Variants in FTO observed in about 807,000 individuals in gnomAD.
FTO encodes the protein alpha-ketoglutarate-dependent dioxygenase FTO.
FTO carries 47 observed loss-of-function variants against 63.9 expected under a neutral mutation model. The observed-to-expected ratio is 0.74, with a 90% CI of 0.58 to 0.94. FTO has a LOEUF of 0.94. FTO is among the 40% of genes least tolerant of loss of function. FTO has a pLI of 0.00. For missense variants in FTO, 562 were observed against 618.1 expected (o/e 0.91, Z 0.96); for synonymous variants, 207 against 224.4 (o/e 0.92, Z 0.69).
At chr16:54,084,169 C>T (rs1224225686) in intron 8 of FTO, among the ~76,000 whole-genome samples, 2 of 152,236 alleles carry the variant, frequency 1.3e-5, no homozygotes, top group African/African-American at 4.8e-5. Context: ...TCAACCTGTA[C>T]TGGCTCTCTG....
rs564127172 is a variant in FTO at position 53,822,173 on chromosome 16, A to G, written c.124-3691A>G. Among the ~76,000 whole-genome samples, 45 of 152,302 alleles carry G rather than the reference A, an allele frequency of 3.0e-4. 1 individual carries two copies. Among genetic ancestry groups the G allele is most frequent in the Admixed American group, 1.8e-3 (28 of 15,290 alleles). On this transcript the variant is annotated intron_variant, in intron 2 of 8. Coordinates refer to ENST00000471389, the MANE Select transcript of FTO (RefSeq NM_001080432.3). ...CAAACAGCTCTAATGACCAGCATAC[A>G]TTCTTAGCTAGTGATTCACCTTAAC...
intron 7 of FTO, among the ~76,000 whole-genome samples, chr16:53,913,172 A>G (rs985824983): frequency 2.0e-5 from 3 of 152,120 alleles, no homozygotes; most frequent in African/African-American, 4.8e-5. Context: ...GCCAGTTTTT[A>G]TCATCTCCCT....
chr16:53,849,468 A>G (rs988777506), intron 4 of FTO, among the ~76,000 whole-genome samples: 2 of 152,180 alleles, frequency 1.3e-5, no homozygotes, highest in Non-Finnish European at 2.9e-5. Flanking sequence ...TTCCATACGT[A>G]TATTTGCTAC....
chr16:53,810,168 A>T lies in FTO; in HGVS notation c.74A>T (p.Asp25Val). 1.2e-6 allele frequency: 2 copies of T among 1,611,768 alleles called. No homozygotes were observed. The highest frequency in any genetic ancestry group is 1.7e-6 in the Non-Finnish European group (2 of 1,178,432). Residue 25 changes from aspartate to valine, a missense_variant, in exon 2 of 9, where the codon GAC (aspartate) becomes GTC (valine). Physicochemically the swap from Asp to Val is radical, Grantham distance 152 (BLOSUM62 -3). Transcript: ENST00000471389. Reference sequence around the variant, plus strand: ...CTGAGGCTTCTTGAAGAGCTTGAAGACACTTGGCTCCCTTATCTGACCCCC... The same window carrying T: ...CTGAGGCTTCTTGAAGAGCTTGAAGTCACTTGGCTCCCTTATCTGACCCCC... ...KKLRLLEELEDTWLPYLTPKD... is the reference protein window; with the variant it reads ...KKLRLLEELEVTWLPYLTPKD...
chr16:53,805,047 AG>A (rs1197150527), intron 1 of FTO, among the ~76,000 whole-genome samples: 4 of 152,240 alleles, frequency 2.6e-5, no homozygotes, highest in African/African-American at 9.6e-5. Flanking sequence ...AACATTCATT[AG>A]CCATTATTCA....
chr16:53,899,333 C>A (rs2151923044), intron 7 of FTO, among the ~76,000 whole-genome samples: 2 of 152,054 alleles, frequency 1.3e-5, no homozygotes, highest in East Asian at 3.9e-4. Flanking sequence ...TTGTGATCAT[C>A]CTTCATATTT....
intron 7 of FTO, among the ~76,000 whole-genome samples, chr16:53,931,013 G>A (rs962383849): frequency 1.3e-5 from 2 of 152,128 alleles, no homozygotes; most frequent in African/African-American, 2.4e-5. Flanking sequence ...CTAAACAGGC[G>A]ACATCCCCTT....
chr16:53,962,273 G>A (rs1198152455), intron 8 of FTO, among the ~76,000 whole-genome samples: 1 of 152,148 alleles, frequency 6.6e-6, no homozygotes, highest in African/African-American at 2.4e-5. Flanking sequence ...TTCAGGCCTG[G>A]TTTGTGGTAG....
intron 8 of FTO, among the ~76,000 whole-genome samples, chr16:54,059,398 A>G (rs1202402896): frequency 6.6e-6 from 1 of 152,140 alleles, no homozygotes; most frequent in Non-Finnish European, 1.5e-5. Context: ...GACATTCCTG[A>G]GAAAGTGCCT....
intron 6 of FTO, among the ~76,000 whole-genome samples, chr16:53,884,347 T>C (rs2080940874): frequency 1.3e-5 from 2 of 152,166 alleles, no homozygotes; most frequent in Admixed American, 1.3e-4. Context: ...ATGGAATGTT[T>C]GATGGTATTG....
Position 53,879,889 on chromosome 16 carries a change from G to A in FTO, c.1021G>A (p.Ala341Thr), listed in dbSNP as rs755738675. 33 of 1,613,848 alleles carry A rather than the reference G, an allele frequency of 2.0e-5. No homozygotes were observed. The highest frequency in any genetic ancestry group is 2.6e-5 in the Non-Finnish European group (31 of 1,179,842). ...LDYILQRCQL[A>T]LQNVCDDVDN... ...TTATATTTTACAACGCTGTCAGTTG[G>A]CTCTGCAGAATGTCTGTGACGATGT... is the stretch of plus-strand genomic sequence containing the variant. The change falls in exon 6 of 9, where the codon GCT becomes ACT. Residue 341 changes from alanine to threonine, a missense_variant. Coordinates refer to ENST00000471389, the MANE Select transcript of FTO (RefSeq NM_001080432.3).
chr16:53,853,686 G>C (rs559888185), intron 4 of FTO, among the ~76,000 whole-genome samples: 2 of 152,108 alleles, frequency 1.3e-5, no homozygotes, highest in East Asian at 3.9e-4. Flanking sequence ...GTATTTCATG[G>C]TATATATACA....
chr16:53,748,008 G>A (rs1034277340), intron 1 of FTO, among the ~76,000 whole-genome samples: 2 of 152,050 alleles, frequency 1.3e-5, no homozygotes, highest in African/African-American at 4.8e-5. Flanking sequence ...CTGTTCATTG[G>A]TTGATGAGCC....
intron 4 of FTO, among the ~76,000 whole-genome samples, chr16:53,845,369 A>G (rs1425222192): frequency 6.6e-6 from 1 of 152,170 alleles, no homozygotes; most frequent in East Asian, 1.9e-4. Flanking sequence ...GTACTGTGTA[A>G]GGTTCCAGGG....
At chr16:53,924,161 A>T (rs1435887091) in intron 7 of FTO, among the ~76,000 whole-genome samples, 2 of 152,198 alleles carry the variant, frequency 1.3e-5, no homozygotes, top group Non-Finnish European at 2.9e-5. Flanking sequence ...TCTAACATTT[A>T]TCAAGCATTT....
At chr16:54,039,550 C>T (rs1179210608) in intron 8 of FTO, 1 of 152,246 alleles carries the variant, frequency 6.6e-6, no homozygotes, top group Non-Finnish European at 1.5e-5. Context: ...CAACAGACTA[C>T]TACTAAGCAT....
In FTO at chr16:54,117,622, T is replaced by A. The variant is rs1157998101; in HGVS notation, c.*5707T>A. ...TATTGTGTCACTATCCCATATATTA[T>A]CCCATTTGCTCTTCACAGCTTCCAT... is the stretch of plus-strand genomic sequence containing the variant. On this transcript the variant is annotated 3_prime_UTR_variant, in exon 9 of 9. Transcript: ENST00000471389. The A allele has an allele frequency of 6.6e-6, 1 of 152,254 alleles. No individual in the cohort carries two copies. The highest frequency in any genetic ancestry group is 1.5e-5 in the Non-Finnish European group (1 of 68,046). 9.4% of individuals were successfully genotyped at this position (152,254 alleles called of 1,614,324 possible). A position where few individuals can be genotyped will look rare whatever the true frequency, so the allele number is the denominator to read the frequency against.
Position 54,116,906 on chromosome 16 carries a change from C to T in FTO, c.*4991C>T, listed in dbSNP as rs2086978314. ...CCCGGTTCCCAGGCAGCCCTGCTCC[C>T]ATAGTCCTGTGTCCCATCGGCCCCA... On this transcript the variant is annotated 3_prime_UTR_variant, in exon 9 of 9. Transcript: ENST00000471389. 6.6e-6 allele frequency: 1 copy of T among 152,392 alleles called. No individual in the cohort carries two copies. The highest frequency in any genetic ancestry group is 2.4e-5 in the African/African-American group (1 of 41,446). 9.4% of individuals were successfully genotyped at this position (152,392 alleles called of 1,614,324 possible).
intron 4 of FTO, among the ~76,000 whole-genome samples, chr16:53,847,354 C>T (rs1020443944): frequency 6.6e-6 from 1 of 152,340 alleles, no homozygotes; most frequent in African/African-American, 2.4e-5. Flanking sequence ...GGCATGATGC[C>T]TCCGCCTCAC....
Sources: allele counts gnomAD v4.1 joint callset (sites outside exome capture counted in the v4.1 genomes callset), GRCh38; gene constraint gnomAD v4.1.1; transcripts MANE v1.5; gene names NCBI Gene and HGNC (gene_info 2026-07-23, HGNC 2026-07-21).